Variants in UNC13B observed in about 807,000 individuals in gnomAD.
The protein encoded by UNC13B is unc-13 homolog B.
Under a neutral mutation model 211.0 loss-of-function variants are expected in UNC13B, and 144 were observed. The observed-to-expected ratio is 0.68, with a 90% confidence interval of 0.60 to 0.78. The LOEUF (loss-of-function observed/expected upper bound fraction) is 0.78. Among genes scored for constraint, UNC13B ranks in the 30% least tolerant of loss-of-function variants. The pLI, the probability that UNC13B is intolerant of heterozygous loss-of-function variation, is 0.00. For missense variants in UNC13B, 1,777 were observed against 2,002.0 expected (o/e 0.89, Z 2.14); for synonymous variants, 709 against 725.8 (o/e 0.98, Z 0.37).
At chr9:35,281,469 CAG>C (rs1828491174) in intron 7 of UNC13B, among the ~76,000 whole-genome samples, 2 of 150,862 alleles carry the variant, frequency 1.3e-5, no homozygotes, top group African/African-American at 4.9e-5. Context: ...AGCTCAAGTC[CAG>C]AGAGGAAGAA....
At chr9:35,248,297 A>G (rs1826227176) in intron 6 of UNC13B, among the ~76,000 whole-genome samples, 1 of 152,090 alleles carries the variant, frequency 6.6e-6, no homozygotes, top group Non-Finnish European at 1.5e-5. Flanking sequence ...GATTTTTTCA[A>G]AAAACCAGCT....
intron 6 of UNC13B, among the ~76,000 whole-genome samples, chr9:35,249,483 G>A (rs959376992): frequency 2.0e-5 from 3 of 152,176 alleles, no homozygotes; most frequent in Admixed American, 6.5e-5. Context: ...TGTTTTTGCA[G>A]TGGCTGGTAC....
intron 34 of UNC13B, 37 bp from the exon 35 acceptor site, chr9:35,399,355 G>C: frequency 6.2e-7 from 1 of 1,614,050 alleles, no homozygotes; most frequent in South Asian, 1.1e-5. Context: ...GATGGAGTTG[G>C]GGTCCTCTGC....
At position 35,376,172 on chromosome 9, in the gene UNC13B, G is replaced by C. The variant is rs374499101; in HGVS notation, c.9760G>C (p.Gly3254Arg). The C allele has an allele frequency of 1.9e-6, 3 of 1,614,080 alleles. No individual in the cohort carries two copies. Among genetic ancestry groups the C allele is most frequent in the Non-Finnish European group, 2.5e-6 (3 of 1,180,044 alleles). Reference protein sequence around the residue: ...EGLLWGIARQGMRCSECGVKC... With the variant: ...EGLLWGIARQRMRCSECGVKC... ...CCTGCTCTGGGGCATTGCCCGGCAG[G>C]GCATGCGCTGCAGCGAATGTGGAGT... Residue 3254 changes from glycine (G) to arginine (R), a missense_variant, in exon 15 of 40, where the codon GGC (glycine) becomes CGC (arginine). Coordinates refer to ENST00000635942, the MANE Select transcript of UNC13B (RefSeq NM_001371189.2).
intron 18 of UNC13B, 121 bp downstream of exon 18, chr9:35,380,760 C>A: frequency 7.6e-7 from 1 of 1,320,118 alleles, no homozygotes; most frequent in East Asian, 2.3e-5. Flanking sequence ...GAGCCTGTCT[C>A]ACCTGCAAAG....
At chr9:35,185,943 A>C (rs1054720349) in intron 1 of UNC13B, among the ~76,000 whole-genome samples, 9 of 151,938 alleles carry the variant, frequency 5.9e-5, no homozygotes, top group African/African-American at 1.7e-4. Flanking sequence ...AAAAAAAAAA[A>C]ACAACACAGT....
Position 35,376,206 on chromosome 9 carries a change from A to G in UNC13B, c.9794A>G (p.His3265Arg). ...TGCAGCGAATGTGGAGTCAAGTGCC[A>G]TGAGAAGTGCCAGGATCTGCTCAAT... ...MRCSECGVKC[H>R]EKCQDLLNAD... Residue 3265 changes from histidine (H) to arginine (R), a missense_variant, in exon 15 of 40, where the codon CAT becomes CGT. By Grantham distance (29) the His-to-Arg change is conservative. Coordinates refer to ENST00000635942, the MANE Select transcript of UNC13B (RefSeq NM_001371189.2). 6 of 1,614,084 alleles carry G rather than the reference A, an allele frequency of 3.7e-6. No homozygotes were observed. The highest frequency in any genetic ancestry group is 5.1e-6 in the Non-Finnish European group (6 of 1,180,016).
chr9:35,393,278 G>T (rs986379713), intron 26 of UNC13B, among the ~76,000 whole-genome samples: 1 of 152,176 alleles, frequency 6.6e-6, no homozygotes, highest in East Asian at 1.9e-4. Context: ...ACCTGGGAAG[G>T]CTTCCTGGAG....
chr9:35,299,502 A>T (rs2131818390), intron 8 of UNC13B, among the ~76,000 whole-genome samples: 1 of 152,330 alleles, frequency 6.6e-6, no homozygotes, highest in African/African-American at 2.4e-5. Context: ...TTGCAAATAC[A>T]TTCTAGATAT....
intron 11 of UNC13B, among the ~76,000 whole-genome samples, chr9:35,346,939 T>G (rs1376919167): frequency 1.3e-5 from 2 of 152,096 alleles, no homozygotes; most frequent in Non-Finnish European, 1.5e-5. Flanking sequence ...TTTTTTTTTT[T>G]TTAAAGACAG....
chr9:35,238,348 A>G (rs2131537418), intron 5 of UNC13B, among the ~76,000 whole-genome samples: 1 of 152,284 alleles, frequency 6.6e-6, no homozygotes, highest in East Asian at 1.9e-4. Context: ...AACCACTGTT[A>G]ACATTCTTGT....
rs1321949344 is a variant in UNC13B, at chr9:35,231,174, T to C, written c.107T>C (p.Val36Ala). 3.7e-6 allele frequency: 6 copies of C among 1,613,642 alleles called. No individual in the cohort carries two copies. The highest frequency in any genetic ancestry group is 5.1e-6 in the Non-Finnish European group (6 of 1,179,646). ...GTACAGAATGTGAAGAGCACAACTG[T>C]AGCAGTTCGTGGTGATCAGCCTTCC... is the stretch of plus-strand genomic sequence containing the variant. Reference protein sequence around the residue: ...LKVQNVKSTTVAVRGDQPSWE... With the variant: ...LKVQNVKSTTAAVRGDQPSWE... Residue 36 changes from valine (V) to alanine (A), a missense_variant, in exon 3 of 40, where the codon GTA (valine) becomes GCA (alanine). Coordinates refer to ENST00000635942, the MANE Select transcript of UNC13B (RefSeq NM_001371189.2).
chr9:35,402,779 T>C (rs1430044597), intron 37 of UNC13B, among the ~76,000 whole-genome samples: 1 of 151,802 alleles, frequency 6.6e-6, no homozygotes, highest in Non-Finnish European at 1.5e-5. Context: ...TGCTTTTGGC[T>C]AGAGAGGACC....
At chr9:35,255,870 C>T (rs1826851856) in intron 6 of UNC13B, among the ~76,000 whole-genome samples, 1 of 152,108 alleles carries the variant, frequency 6.6e-6, no homozygotes, top group African/African-American at 2.4e-5. Flanking sequence ...GGTCCCCGGG[C>T]AAGAAGGGGG....
At chr9:35,391,691 AC>A (rs949661870) in intron 26 of UNC13B, among the ~76,000 whole-genome samples, 42 of 152,338 alleles carry the variant, frequency 2.8e-4, no homozygotes, top group Admixed American at 1.6e-3. Context: ...GATGGGGAGT[AC>A]AGTCTCAGTT....
At chr9:35,204,305 T>C (rs111289177) in intron 1 of UNC13B, among the ~76,000 whole-genome samples, 7 of 152,338 alleles carry the variant, frequency 4.6e-5, no homozygotes, top group African/African-American at 1.7e-4. Context: ...GGAGAACCTC[T>C]ACTAGTGCAG....
At chr9:35,247,153 TTGTC>T (rs1270987265) in intron 6 of UNC13B, among the ~76,000 whole-genome samples, 4 of 152,180 alleles carry the variant, frequency 2.6e-5, no homozygotes, top group Non-Finnish European at 5.9e-5. Context: ...GGCTCTCTGT[TTGTC>T]TGTTATTGGT....
At chr9:35,385,627 A>T (rs1835137554) in intron 22 of UNC13B, 97 bp from the exon 23 acceptor site, 1 of 1,462,282 alleles carries the variant, frequency 6.8e-7, no homozygotes. Flanking sequence ...AAAACCCAGT[A>T]GGTAACAATT....
At chr9:35,327,305 G>T (rs564531022) in intron 11 of UNC13B, among the ~76,000 whole-genome samples, 2 of 152,202 alleles carry the variant, frequency 1.3e-5, no homozygotes, top group African/African-American at 4.8e-5. Flanking sequence ...GAAGTCCCAT[G>T]CATGATAGGC....
Sources: allele counts gnomAD v4.1 joint callset (sites outside exome capture counted in the v4.1 genomes callset), GRCh38; gene constraint gnomAD v4.1.1; transcripts MANE v1.5; gene names NCBI Gene and HGNC (gene_info 2026-07-23, HGNC 2026-07-21).